The following DNAJC3 variants were observed in gnomAD, a reference collection of about 807,000 sequenced individuals.
DNAJC3 encodes dnaJ homolog subfamily C member 3.
In DNAJC3, 38 loss-of-function variants were observed where a neutral mutation model predicts 68.6. The ratio of observed to expected loss-of-function variants is 0.55; its 90% CI spans 0.43 to 0.73. The LOEUF is 0.73. Among genes scored for constraint, DNAJC3 ranks in the 30% least tolerant of loss-of-function variants. DNAJC3 has a pLI of 0.00. For synonymous variants in DNAJC3, 203 were observed against 204.0 expected, an observed-to-expected ratio of 1.00 and a Z score of 0.04; for missense variants, 526 against 591.9, an observed-to-expected ratio of 0.89 and a Z score of 1.16.
intron 1 of DNAJC3, among the ~76,000 whole-genome samples, chr13:95,692,183 C>T (rs1035387679): frequency 4.6e-5 from 7 of 151,858 alleles, no homozygotes; most frequent in Admixed American, 1.3e-4. Context: ...TGAAACTTTC[C>T]ATGGCCAAGC....
At chr13:95,691,848 C>A (rs997193809) in intron 1 of DNAJC3, among the ~76,000 whole-genome samples, 2 of 152,256 alleles carry the variant, frequency 1.3e-5, no homozygotes, top group African/African-American at 4.8e-5. Flanking sequence ...CGGTTAGGAG[C>A]TGGAGACCAG....
rs779025443 is a variant in DNAJC3 at position 95,760,088 on chromosome 13, A to G, written c.595A>G (p.Ile199Val). 1 of 1,611,508 alleles carries G rather than the reference A, an allele frequency of 6.2e-7. No individual in the cohort carries two copies. Among genetic ancestry groups the G allele is most frequent in the South Asian group, 1.1e-5 (1 of 90,722 alleles). ...ELRELRAECF[I>V]KEGEPRKAIS... ...ACGGGAACTTCGAGCTGAATGTTTT[A>G]TAAAAGAAGGAGAACCTAGGAAAGC... is the stretch of plus-strand genomic sequence containing the variant. The change falls in exon 6 of 12, where the codon ATA (isoleucine) becomes GTA (valine). Residue 199 changes from isoleucine to valine, a missense_variant. Coordinates refer to ENST00000602402, the MANE Select transcript of DNAJC3 (RefSeq NM_006260.5).
At chr13:95,779,718 G>C (rs1387521328) in intron 9 of DNAJC3, among the ~76,000 whole-genome samples, 1 of 152,072 alleles carries the variant, frequency 6.6e-6, no homozygotes, top group African/African-American at 2.4e-5. Context: ...ATTCTGCCTT[G>C]TGATTACTCT....
At chr13:95,728,424 T>C (rs1881598555) in intron 4 of DNAJC3, among the ~76,000 whole-genome samples, 1 of 152,236 alleles carries the variant, frequency 6.6e-6, no homozygotes, top group Admixed American at 6.5e-5. Flanking sequence ...TGATTACTAA[T>C]GATGTTGAAC....
At chr13:95,725,809 T>A (rs1411878184) in intron 4 of DNAJC3, among the ~76,000 whole-genome samples, 1 of 145,036 alleles carries the variant, frequency 6.9e-6, no homozygotes, top group African/African-American at 2.6e-5. Context: ...TATCTCCTAA[T>A]GCTATCCCTC....
At chr13:95,715,734 C>T (rs111708271) in intron 2 of DNAJC3, among the ~76,000 whole-genome samples, 6 of 151,824 alleles carry the variant, frequency 4.0e-5, no homozygotes, top group Non-Finnish European at 7.4e-5. Flanking sequence ...GATCCACCCC[C>T]CCTTGGCCTC....
At chr13:95,679,040 G>T (rs541207225) in intron 1 of DNAJC3, among the ~76,000 whole-genome samples, 1 of 152,108 alleles carries the variant, frequency 6.6e-6, no homozygotes, top group Non-Finnish European at 1.5e-5. Flanking sequence ...ACGAAAGCGT[G>T]TGGTATTCAT....
chr13:95,736,674 T>A (rs2139653575), intron 4 of DNAJC3, among the ~76,000 whole-genome samples: 1 of 151,308 alleles, frequency 6.6e-6, no homozygotes, highest in South Asian at 2.1e-4. Context: ...TGATTTTGTA[T>A]CCTGAGACTT....
chr13:95,790,694 G>T (rs1181373092), intron 11 of DNAJC3, among the ~76,000 whole-genome samples, 179 bp from the exon 12 acceptor site: 1 of 151,934 alleles, frequency 6.6e-6, no homozygotes, highest in Non-Finnish European at 1.5e-5. Context: ...AATTTCTCTA[G>T]TCTGTTTCTT....
Position 95,791,084 on chromosome 13 carries a change from T to C in DNAJC3, c.*54T>C. On this transcript the variant is annotated 3_prime_UTR_variant, in exon 12 of 12. Transcript: ENST00000602402. ...TTTTTAAAGATTAAAAACAAAGAAA[T>C]CTTGTTCCGGGACCCTAATGAAAAA... 1 of 1,592,004 alleles carries C rather than the reference T, an allele frequency of 6.3e-7. No homozygotes were observed. Among genetic ancestry groups the C allele is most frequent in the Non-Finnish European group, 8.5e-7 (1 of 1,171,054 alleles).
chr13:95,715,731 C>G (rs554973824), intron 2 of DNAJC3, among the ~76,000 whole-genome samples: 5 of 151,920 alleles, frequency 3.3e-5, no homozygotes, highest in African/African-American at 7.2e-5. Context: ...GATGATCCAC[C>G]CCCCCTTGGC....
chr13:95,746,494 C>T (rs568754921), intron 4 of DNAJC3, among the ~76,000 whole-genome samples: 1 of 152,108 alleles, frequency 6.6e-6, no homozygotes, highest in Admixed American at 6.6e-5. Flanking sequence ...TGACATATTC[C>T]TATCTTTATT....
chr13:95,678,420 GGCTTTT>G (rs371856194), intron 1 of DNAJC3, among the ~76,000 whole-genome samples: 5 of 151,982 alleles, frequency 3.3e-5, no homozygotes, highest in African/African-American at 7.3e-5. Flanking sequence ...CATAGCAATG[GGCTTTT>G]GCTTTTGCTT....
Position 95,776,981 on chromosome 13 carries a change from A to C in DNAJC3, c.1076-8958A>C, listed in dbSNP as rs143196310. Among the ~76,000 whole-genome samples, 328 of 152,146 alleles carry C rather than the reference A, an allele frequency of 2.2e-3. 5 individuals are homozygous for C. Among genetic ancestry groups the C allele is most frequent in the African/African-American group, 7.5e-3 (313 of 41,516 alleles). ...CGCTGTTAGTCCCCTGCTTTGTGTT[A>C]GTCTTGGTTCTACGTGAAATTCAGT... On this transcript the variant is annotated intron_variant, in intron 9 of 11. Transcript: ENST00000602402.
chr13:95,767,636 C>T (rs1017910669), intron 9 of DNAJC3, among the ~76,000 whole-genome samples: 15 of 151,650 alleles, frequency 9.9e-5, no homozygotes, highest in African/African-American at 3.6e-4. Context: ...TACAATTTTA[C>T]CAGCAGTGTA....
chr13:95,700,395 A>G (rs1231379983), intron 1 of DNAJC3, among the ~76,000 whole-genome samples: 1 of 152,198 alleles, frequency 6.6e-6, no homozygotes, highest in Non-Finnish European at 1.5e-5. Context: ...GGGATGGCAT[A>G]TTCTGGTCTC....
chr13:95,760,272 G>A, intron 6 of DNAJC3, 51 bp downstream of exon 6: 1 of 1,395,236 alleles, frequency 7.2e-7, no homozygotes, highest in Non-Finnish European at 9.5e-7. Context: ...TTGGCAGTAA[G>A]ATTACCTCAT....
In DNAJC3 at chr13:95,725,166, C is replaced by G; in HGVS notation, c.319-12C>G. ...AATATTCAAGATAATCCTCTGCCCC[C>G]TTTTTTTCTAGGCAAGATTACAGAG... is the stretch of plus-strand genomic sequence containing the variant. On this transcript the variant is annotated splice_polypyrimidine_tract_variant and intron_variant, in intron 3 of 11. Transcript: ENST00000602402. 3 of 1,548,514 alleles carry G rather than the reference C, an allele frequency of 1.9e-6. No individual in the cohort carries two copies. Among genetic ancestry groups the G allele is most frequent in the Non-Finnish European group, 2.6e-6 (3 of 1,152,472 alleles).
rs114615740 is a variant in DNAJC3 at position 95,787,955 on chromosome 13, G to C, written c.1357+800G>C. Among the ~76,000 whole-genome samples, 810 of 152,310 alleles carry C rather than the reference G, an allele frequency of 5.3e-3. 10 individuals carry two copies. Among genetic ancestry groups the C allele is most frequent in the African/African-American group, 0.019 (778 of 41,562 alleles). ...TGCTTTTTTGTGGCCTTCCATGTCA[G>C]TGGGAACAGCAGCTGTGATCTGAGC... On this transcript the variant is annotated intron_variant, in intron 11 of 11. Coordinates refer to ENST00000602402, the MANE Select transcript of DNAJC3 (RefSeq NM_006260.5).
Sources: gnomAD v4.1 joint callset for allele counts (sites outside exome capture counted in the v4.1 genomes callset) on GRCh38, gnomAD v4.1.1 for gene constraint, MANE v1.5 for transcripts, NCBI Gene and HGNC (gene_info 2026-07-23, HGNC 2026-07-21) for gene names.